BRWD1: variants seen among roughly 807,000 people sequenced by gnomAD.
BRWD1 encodes bromodomain and WD repeat domain containing 1.
BRWD1 carries 82 observed loss-of-function variants against 251.2 expected under a neutral mutation model. The observed-to-expected ratio is 0.33, with a 90% confidence interval of 0.27 to 0.39. The LOEUF is 0.39. Among genes scored for constraint, BRWD1 ranks in the 10% least tolerant of loss-of-function variants. The pLI is 1.00. For missense variants in BRWD1, 2,233 were observed against 2,711.6 expected (o/e 0.82, Z 3.92); for synonymous variants, 918 against 902.8 (o/e 1.02, Z -0.30).
chr21:39,265,916 T>C (rs546239620), intron 15 of BRWD1, among the ~76,000 whole-genome samples: 1 of 152,352 alleles, frequency 6.6e-6, no homozygotes, highest in South Asian at 2.1e-4. Context: ...TAGATTACTT[T>C]TATACTGTTT....
At chr21:39,314,745 A>G (rs1205347567), upstream of BRWD1, 3 of 214,152 alleles carry the variant, frequency 1.4e-5, no homozygotes, top group African/African-American at 4.7e-5. Flanking sequence ...CACACCACAT[A>G]GACGTTAAAT....
At chr21:39,290,293 T>G (rs149577713) in intron 8 of BRWD1, among the ~76,000 whole-genome samples, 4,886 of 151,494 alleles carry the variant, frequency 0.032, 114 homozygotes, top group Non-Finnish European at 0.049. Context: ...ATCGAGACAA[T>G]CCTGGCTAAC....
intron 9 of BRWD1, 28 bp from the exon 10 acceptor site, chr21:39,278,841 A>G (rs2035360739): frequency 6.6e-7 from 1 of 1,526,712 alleles, no homozygotes; most frequent in Non-Finnish European, 8.9e-7. Flanking sequence ...GCTGCTTTAA[A>G]ATAGATTATT....
At chr21:39,232,769 G>A (rs1027123960) in intron 23 of BRWD1, among the ~76,000 whole-genome samples, 4 of 152,034 alleles carry the variant, frequency 2.6e-5, no homozygotes, top group African/African-American at 9.7e-5. Context: ...ATTTTAGGGG[G>A]CTAATACCCA....
At chr21:39,216,994 T>C (rs1168394987) in intron 31 of BRWD1, 2 of 119,566 alleles carry the variant, frequency 1.7e-5, no homozygotes, top group African/African-American at 5.9e-5. Flanking sequence ...TGTGGTCTTA[T>C]CATTTAGCTC....
At chr21:39,238,363 G>A (rs562727115) in intron 22 of BRWD1, 116 bp downstream of exon 22, 2 of 670,306 alleles carry the variant, frequency 3.0e-6, no homozygotes, top group Admixed American at 5.6e-5. Flanking sequence ...CCTTTTAAGT[G>A]TATTAAAAAC....
intron 38 of BRWD1, 32 bp from the exon 39 acceptor site, chr21:39,200,418 T>TATTCTCC: frequency 6.3e-7 from 1 of 1,580,626 alleles, no homozygotes. Context: ...TAGTTACATA[T>TATTCTCC]ATTCTCCTGT....
Position 39,194,321 on chromosome 21 carries a change from G to T in BRWD1, c.*1938C>A. On this transcript the variant is annotated 3_prime_UTR_variant, in exon 41 of 41. Transcript: ENST00000342449. ...AACATGGAGTTAAAACCTGAGAACA[G>T]ATTATAAAAGAGAAGGTTAAGAAGA... 5.9e-6 allele frequency: 6 copies of T among 1,011,394 alleles called. No homozygotes were observed. Among genetic ancestry groups the T allele is most frequent in the Non-Finnish European group, 7.1e-6 (6 of 845,660 alleles). The allele number at this position is 1,011,394 out of a possible 1,614,324, so 62.7% of individuals were successfully genotyped here.
intron 12 of BRWD1, among the ~76,000 whole-genome samples, chr21:39,275,734 T>C (rs937075580): frequency 6.6e-6 from 1 of 152,010 alleles, no homozygotes; most frequent in Non-Finnish European, 1.5e-5. Flanking sequence ...ATTAGTCAAC[T>C]AAAAATAAAA....
rs2036589371 is a variant in BRWD1, at chr21:39,313,437, T to A, written c.49+6A>T. On this transcript the variant is annotated splice_donor_region_variant and intron_variant, in intron 1 of 40. Coordinates refer to ENST00000342449, the MANE Select transcript of BRWD1 (RefSeq NM_033656.4). ...AGGGCGGGGGTGGCACGGCCTCGCG[T>A]CTTACCCGACTCGATGAGAGGCACC... The A allele has an allele frequency of 7.1e-7, 1 of 1,400,774 alleles. No individual in the cohort carries two copies. Among genetic ancestry groups the A allele is most frequent in the Non-Finnish European group, 9.2e-7 (1 of 1,081,606 alleles). 86.8% of individuals were successfully genotyped at this position (1,400,774 alleles called of 1,614,324 possible).
At chr21:39,264,760 T>C in intron 16 of BRWD1, 75 bp from the exon 17 acceptor site, 2 of 1,493,740 alleles carry the variant, frequency 1.3e-6, no homozygotes, top group Non-Finnish European at 1.8e-6. Flanking sequence ...AAACAGTTAA[T>C]TAAAACTAGA....
chr21:39,196,906 C>A lies in BRWD1; in HGVS notation c.6163G>T (p.Asp2055Tyr), dbSNP rs1441057369. Residue 2055 changes from aspartate (D) to tyrosine (Y), a missense_variant, in exon 41 of 41, where the codon GAT (aspartate) becomes TAT (tyrosine). Physicochemically the swap from Asp to Tyr is radical, Grantham distance 160. Coordinates refer to ENST00000342449, the MANE Select transcript of BRWD1 (RefSeq NM_033656.4). The stretch of plus-strand genomic sequence containing the variant: ...CTCCCTGGAATATGACTTTTTGAAT[C>A]TTCTCCTGAAGATGTAACAGAGGAA... ...KSSSVTSSGE[D>Y]SKSHIPGSET... The A allele has an allele frequency of 8.1e-6, 13 of 1,613,828 alleles. No individual in the cohort carries two copies. Among genetic ancestry groups the A allele is most frequent in the African/African-American group, 1.3e-5 (1 of 75,014 alleles).
intron 4 of BRWD1, among the ~76,000 whole-genome samples, chr21:39,307,499 A>G (rs1251441917): frequency 6.6e-6 from 1 of 152,156 alleles, no homozygotes; most frequent in Admixed American, 6.6e-5. Context: ...ATGTATATAT[A>G]CTTGTGTGAA....
intron 21 of BRWD1, among the ~76,000 whole-genome samples, chr21:39,245,772 G>A (rs903760836): frequency 1.3e-5 from 2 of 151,930 alleles, no homozygotes; most frequent in Admixed American, 1.3e-4. Flanking sequence ...ACTAAATTTT[G>A]TCTTTTTAGT....
chr21:39,309,824 C>CAAAAAA (rs10709480), intron 4 of BRWD1, among the ~76,000 whole-genome samples: 2 of 75,238 alleles, frequency 2.7e-5, no homozygotes, highest in African/African-American at 5.5e-5. Flanking sequence ...GACTCCGTCT[C>CAAAAAA]AAAAAAAAAA....
intron 17 of BRWD1, among the ~76,000 whole-genome samples, chr21:39,260,664 A>G (rs1254633170): frequency 6.6e-6 from 1 of 152,196 alleles, no homozygotes; most frequent in Non-Finnish European, 1.5e-5. Context: ...CAGGCAGCAC[A>G]AAACTGTGAT....
chr21:39,260,798 T>C (rs1432094110), intron 17 of BRWD1, among the ~76,000 whole-genome samples: 2 of 152,066 alleles, frequency 1.3e-5, no homozygotes, highest in African/African-American at 4.8e-5. Flanking sequence ...CTAACTGAGT[T>C]GAGGAGACAG....
intron 21 of BRWD1, among the ~76,000 whole-genome samples, chr21:39,242,389 G>C (rs956686709): frequency 6.6e-6 from 1 of 152,166 alleles, no homozygotes; most frequent in East Asian, 1.9e-4. Context: ...AAGGCTGAGA[G>C]GTGACAAAGC....
intron 4 of BRWD1, among the ~76,000 whole-genome samples, chr21:39,311,124 G>A (rs1044084907): frequency 2.6e-5 from 4 of 151,698 alleles, no homozygotes; most frequent in Non-Finnish European, 4.4e-5. Flanking sequence ...AGTAAGTAGG[G>A]TTTTAAGCAA....
Sources: gnomAD v4.1 joint callset for allele counts (sites outside exome capture counted in the v4.1 genomes callset) on GRCh38, gnomAD v4.1.1 for gene constraint, MANE v1.5 for transcripts, NCBI Gene and HGNC (gene_info 2026-07-23, HGNC 2026-07-21) for gene names.